The following REEP3 variants were observed in gnomAD, a reference collection of about 807,000 sequenced individuals.
REEP3 encodes receptor accessory protein 3.
REEP3 carries 20 observed loss-of-function variants against 41.3 expected under a neutral mutation model. The ratio of observed to expected loss-of-function variants is 0.48; its 90% CI spans 0.34 to 0.70. The LOEUF is 0.70. Among genes scored for constraint, REEP3 ranks in the 30% least tolerant of loss-of-function variants. REEP3 has a pLI of 0.01. For missense variants in REEP3, 271 were observed against 308.8 expected (o/e 0.88, Z 0.92); for synonymous variants, 104 against 101.8 (o/e 1.02, Z -0.13).
intron 1 of REEP3, among the ~76,000 whole-genome samples, chr10:63,546,427 G>C (rs530354835): frequency 5.3e-5 from 8 of 152,244 alleles, no homozygotes; most frequent in Middle Eastern, 6.8e-3. Flanking sequence ...AACCTCATGA[G>C]TTCATGAAGT....
Position 63,624,875 on chromosome 10 carries a change from T to C in REEP3, c.*4006T>C, listed in dbSNP as rs2619591. ...ATAAAATGTAACACAAAATTCAGAT[T>C]TATGTATCCTGGAAATGTTCTGGGG... On this transcript the variant is annotated 3_prime_UTR_variant, in exon 8 of 8. Coordinates refer to ENST00000373758, the MANE Select transcript of REEP3 (RefSeq NM_001001330.3). The C allele has an allele frequency of 1.3e-3, 195 of 152,236 alleles. 1 individual carries two copies. The highest frequency in any genetic ancestry group is 4.3e-3 in the African/African-American group (179 of 41,568). The allele number at this position is 152,236 out of a possible 1,614,324, so 9.4% of individuals were successfully genotyped here.
intron 1 of REEP3, among the ~76,000 whole-genome samples, chr10:63,559,960 A>G (rs1332648239): frequency 6.6e-6 from 1 of 152,180 alleles, no homozygotes; most frequent in Admixed American, 6.5e-5. Context: ...CTGATAATGT[A>G]GCATTGAGTG....
chr10:63,585,693 A>C (rs749995702), intron 2 of REEP3, among the ~76,000 whole-genome samples: 3 of 152,200 alleles, frequency 2.0e-5, no homozygotes, highest in Non-Finnish European at 4.4e-5. Flanking sequence ...ATAACATTTA[A>C]CTTTATCATT....
At position 63,594,846 on chromosome 10, in the gene REEP3, A is replaced by G. The variant is rs1179527072; in HGVS notation, c.174A>G (p.Thr58=). Residue 58 remains threonine (T), a synonymous_variant, in exon 3 of 8, where the codon ACA becomes ACG. Coordinates refer to ENST00000373758, the MANE Select transcript of REEP3 (RefSeq NM_001001330.3). ...YTVIETVADQ[T]VAWFPLYYEL... is the part of the protein sequence containing the mutation. Reference sequence around the variant, plus strand: ...TGATTGAAACAGTAGCCGATCAAACAGTTGCTTGGTAAGTTTTACTATTGA... The same window carrying G: ...TGATTGAAACAGTAGCCGATCAAACGGTTGCTTGGTAAGTTTTACTATTGA... 3 of 1,609,002 alleles carry G rather than the reference A, an allele frequency of 1.9e-6. No homozygotes were observed. The highest frequency in any genetic ancestry group is 2.2e-5 in the East Asian group (1 of 44,832).
intron 1 of REEP3, among the ~76,000 whole-genome samples, chr10:63,545,414 T>C (rs942197747): frequency 1.3e-5 from 2 of 152,142 alleles, no homozygotes; most frequent in African/African-American, 4.8e-5. Context: ...CTCGCTCTGT[T>C]GCCAGGCTGG....
At chr10:63,550,095 C>T (rs747967056) in intron 1 of REEP3, among the ~76,000 whole-genome samples, 3 of 152,116 alleles carry the variant, frequency 2.0e-5, no homozygotes, top group Admixed American at 6.5e-5. Flanking sequence ...TCAGTAAATC[C>T]GATGAGATGG....
chr10:63,532,318 A>C (rs1188665360), intron 1 of REEP3, among the ~76,000 whole-genome samples: 1 of 152,258 alleles, frequency 6.6e-6, no homozygotes, highest in Admixed American at 6.5e-5. Flanking sequence ...AGATATATTA[A>C]TACCGAGAGC....
In REEP3 at chr10:63,623,866, C is replaced by T. The variant is rs1956375850; in HGVS notation, c.*2997C>T. Reference sequence around the variant, plus strand: ...TACTTGACTACACTGATTGATGGGACAAAATGATTAAAGTATTTTCAGGGA... The same window carrying T: ...TACTTGACTACACTGATTGATGGGATAAAATGATTAAAGTATTTTCAGGGA... On this transcript the variant is annotated 3_prime_UTR_variant, in exon 8 of 8. Coordinates refer to ENST00000373758, the MANE Select transcript of REEP3 (RefSeq NM_001001330.3). 6.5e-6 allele frequency: 1 copy of T among 153,466 alleles called. No homozygotes were observed. Among genetic ancestry groups the T allele is most frequent in the Non-Finnish European group, 1.5e-5 (1 of 68,100 alleles). 9.5% of individuals were successfully genotyped at this position (153,466 alleles called of 1,614,324 possible).
chr10:63,521,626 C>T, intron 1 of REEP3, 49 bp downstream of exon 1: 1 of 1,341,922 alleles, frequency 7.5e-7, no homozygotes, highest in Non-Finnish European at 9.8e-7. Context: ...CCCAGGGGAG[C>T]TGTGGGAAGG....
At chr10:63,584,429 T>TAAAAAA (rs1265296575) in intron 2 of REEP3, among the ~76,000 whole-genome samples, 1 of 22,770 alleles carries the variant, frequency 4.4e-5, no homozygotes, top group Non-Finnish European at 9.1e-5. Flanking sequence ...CCCCATCTTT[T>TAAAAAA]TAAAAAAAAA....
intron 1 of REEP3, among the ~76,000 whole-genome samples, chr10:63,534,832 A>C (rs1955459266): frequency 6.6e-6 from 1 of 152,218 alleles, no homozygotes; most frequent in Non-Finnish European, 1.5e-5. Flanking sequence ...AAATGAAATG[A>C]CCTATAACCC....
At chr10:63,558,198 A>G (rs904828775) in intron 1 of REEP3, among the ~76,000 whole-genome samples, 1 of 152,250 alleles carries the variant, frequency 6.6e-6, no homozygotes, top group South Asian at 2.1e-4. Flanking sequence ...AACATCACCT[A>G]GAGGAATAAA....
intron 2 of REEP3, among the ~76,000 whole-genome samples, chr10:63,575,756 G>A (rs868047312): frequency 7.2e-5 from 11 of 151,808 alleles, no homozygotes; most frequent in African/African-American, 9.7e-5. Flanking sequence ...TTTTTGAGGC[G>A]GTGTTTTGCT....
intron 2 of REEP3, among the ~76,000 whole-genome samples, chr10:63,571,111 C>T (rs1955848232): frequency 6.6e-6 from 1 of 152,098 alleles, no homozygotes. Context: ...AGAGTGAGAC[C>T]ATCGGGTGGG....
chr10:63,581,266 A>G (rs1398966564), intron 2 of REEP3, among the ~76,000 whole-genome samples: 2 of 152,312 alleles, frequency 1.3e-5, no homozygotes, highest in East Asian at 1.9e-4. Flanking sequence ...TCCTAAAAAT[A>G]TAAAAGCTAG....
At chr10:63,591,639 A>G (rs901468019) in intron 2 of REEP3, among the ~76,000 whole-genome samples, 5 of 152,288 alleles carry the variant, frequency 3.3e-5, no homozygotes, top group Admixed American at 2.6e-4. Context: ...TAAACAGATA[A>G]TTTTTACTTT....
At chr10:63,560,255 A>G (rs1320633964) in intron 1 of REEP3, among the ~76,000 whole-genome samples, 3 of 152,196 alleles carry the variant, frequency 2.0e-5, no homozygotes, top group Non-Finnish European at 4.4e-5. Flanking sequence ...GATTAAAAAC[A>G]GATTAAATCC....
At chr10:63,534,571 T>C (rs181103674) in intron 1 of REEP3, among the ~76,000 whole-genome samples, 1 of 152,302 alleles carries the variant, frequency 6.6e-6, no homozygotes, top group Admixed American at 6.5e-5. Flanking sequence ...ATGTGGTAAA[T>C]AGGATGCAAA....
intron 1 of REEP3, among the ~76,000 whole-genome samples, chr10:63,532,513 T>C (rs1023797663): frequency 6.6e-6 from 1 of 151,852 alleles, no homozygotes; most frequent in Non-Finnish European, 1.5e-5. Flanking sequence ...ATACAAAAAA[T>C]TATCCGGGCG....
Sources: allele counts gnomAD v4.1 joint callset (sites outside exome capture counted in the v4.1 genomes callset), GRCh38; gene constraint gnomAD v4.1.1; transcripts MANE v1.5; gene names NCBI Gene and HGNC (gene_info 2026-07-23, HGNC 2026-07-21).